CHD2: variants seen among roughly 807,000 people sequenced by gnomAD.
CHD2 encodes the protein ATP-dependent chromatin remodeler CHD2.
A neutral mutation model predicts 243.9 loss-of-function variants in CHD2; 28 were observed. That is an observed-to-expected ratio of 0.11 (90% confidence interval 0.09 to 0.16). The LOEUF (loss-of-function observed/expected upper bound fraction) is 0.16. CHD2 is among the 10% of genes least tolerant of loss of function. The pLI, the probability that CHD2 is intolerant of heterozygous loss-of-function variation, is 1.00. For missense variants in CHD2, 1,386 were observed against 2,209.8 expected, an observed-to-expected ratio of 0.63 and a Z score of 7.47; for synonymous variants, 775 against 779.0, an observed-to-expected ratio of 0.99 and a Z score of 0.09.
chr15:92,927,989 T>G (rs1419300487), intron 4 of CHD2, among the ~76,000 whole-genome samples: 1 of 152,196 alleles, frequency 6.6e-6, no homozygotes, highest in African/African-American at 2.4e-5. Flanking sequence ...TGAATTAGGT[T>G]TATAGACTAG....
intron 5 of CHD2, among the ~76,000 whole-genome samples, chr15:92,933,087 A>G (rs1369219900): frequency 1.5e-5 from 2 of 134,154 alleles, no homozygotes; most frequent in Admixed American, 7.8e-5. Flanking sequence ...GTCTTCCTCT[A>G]TTGGTGCACA....
At chr15:92,931,863 C>CTTT (rs34215273) in intron 5 of CHD2, among the ~76,000 whole-genome samples, 7 of 134,484 alleles carry the variant, frequency 5.2e-5, no homozygotes, top group Non-Finnish European at 4.8e-5. Flanking sequence ...TGCTGACGTA[C>CTTT]TTTTTTTTTT....
chr15:93,023,604 A>T (rs191368730), intron 38 of CHD2, among the ~76,000 whole-genome samples: 1 of 151,710 alleles, frequency 6.6e-6, no homozygotes, highest in Non-Finnish European at 1.5e-5. Flanking sequence ...ACCATTTTAC[A>T]TTCCTACCAG....
intron 4 of CHD2, among the ~76,000 whole-genome samples, chr15:92,927,879 A>T (rs1480764980): frequency 1.3e-5 from 2 of 152,162 alleles, no homozygotes; most frequent in Admixed American, 6.5e-5. Flanking sequence ...TTGATCAGTG[A>T]TTTTTTTAAA....
Position 92,927,325 on chromosome 15 carries a change from G to A in CHD2, c.376G>A (p.Glu126Lys), listed in dbSNP as rs2053081647. ...RQEPSRFNIK[E>K]EASSGSESGS... The stretch of plus-strand genomic sequence containing the variant: ...AGAACCATCGCGATTTAATATTAAG[G>A]AAGAGGTAAGGAAAAAATGTTTTAA... Residue 126 changes from glutamate to lysine, a missense_variant, in exon 4 of 39, where the codon GAA (glutamate) becomes AAA (lysine). Transcript: ENST00000394196. The A allele has an allele frequency of 6.2e-7, 1 of 1,612,490 alleles. No individual in the cohort carries two copies. The highest frequency in any genetic ancestry group is 8.5e-7 in the Non-Finnish European group (1 of 1,178,750).
At chr15:92,971,635 C>T (rs1014370391) in intron 17 of CHD2, 130 bp from the exon 18 acceptor site, 23 of 572,768 alleles carry the variant, frequency 4.0e-5, no homozygotes, top group Non-Finnish European at 2.8e-5. Flanking sequence ...AGAAAATATT[C>T]TTTGCTTCTT....
intron 16 of CHD2, among the ~76,000 whole-genome samples, chr15:92,957,471 A>G (rs1313163242): frequency 6.6e-6 from 1 of 152,192 alleles, no homozygotes; most frequent in Non-Finnish European, 1.5e-5. Flanking sequence ...TTTAGTGTCT[A>G]TATAGCATCT....
At chr15:92,967,280 T>C in intron 16 of CHD2, 45 bp from the exon 17 acceptor site, 1 of 1,380,082 alleles carries the variant, frequency 7.2e-7, no homozygotes. Flanking sequence ...CCTATTCTTC[T>C]TTTCCTCAAT....
chr15:92,901,011 G>GT (rs931398168), intron 1 of CHD2, among the ~76,000 whole-genome samples, 156 bp from the exon 2 acceptor site: 5 of 150,504 alleles, frequency 3.3e-5, no homozygotes, highest in African/African-American at 9.8e-5. Context: ...TTATCCTGTT[G>GT]TTTTTTCTTT....
chr15:92,942,681 A>C (rs2053402387), intron 8 of CHD2, among the ~76,000 whole-genome samples, 162 bp from the exon 9 acceptor site: 1 of 152,122 alleles, frequency 6.6e-6, no homozygotes, highest in Non-Finnish European at 1.5e-5. Flanking sequence ...GAAATTTTTG[A>C]TTGAGTCCGT....
intron 24 of CHD2, among the ~76,000 whole-genome samples, chr15:92,981,676 G>T (rs1187977590): frequency 4.6e-5 from 7 of 152,236 alleles, no homozygotes; most frequent in African/African-American, 1.7e-4. Context: ...TGTAGAGTCA[G>T]TGTGTGGCGG....
intron 37 of CHD2, among the ~76,000 whole-genome samples, chr15:93,015,231 A>G (rs1006461095): frequency 6.6e-6 from 1 of 152,100 alleles, no homozygotes; most frequent in Non-Finnish European, 1.5e-5. Flanking sequence ...GATGTGCACC[A>G]CCACGCTGAG....
chr15:92,927,224 G>A lies in CHD2; in HGVS notation c.295-20G>A, dbSNP rs191859431. 1.6e-4 allele frequency: 251 copies of A among 1,554,514 alleles called. 1 individual carries two copies. The highest frequency in any genetic ancestry group is 1.8e-4 in the Non-Finnish European group (204 of 1,127,836). ...GGGGGTCAAGAAAAAAGATTAATGC[G>A]TGGTCTCTTAATTTTACAGATGTGG... is the stretch of plus-strand genomic sequence containing the variant. On this transcript the variant is annotated intron_variant, in intron 3 of 38. Transcript: ENST00000394196.
intron 35 of CHD2, among the ~76,000 whole-genome samples, chr15:93,011,065 C>T (rs1012706483): frequency 6.6e-5 from 10 of 151,840 alleles, no homozygotes; most frequent in African/African-American, 2.2e-4. Flanking sequence ...TACCTAGCGG[C>T]ATCTGGCCTT....
chr15:92,994,669 G>C (rs948738957), intron 28 of CHD2, among the ~76,000 whole-genome samples: 1 of 152,160 alleles, frequency 6.6e-6, no homozygotes, highest in East Asian at 1.9e-4. Flanking sequence ...ACTGAAAAAC[G>C]TATTCCTGTT....
chr15:93,017,291 A>T (rs1596459665), intron 37 of CHD2, among the ~76,000 whole-genome samples: 2 of 149,286 alleles, frequency 1.3e-5, no homozygotes, highest in Admixed American at 6.7e-5. Context: ...TCTAGTCCTC[A>T]TTGCTTTAGC....
chr15:92,923,440 C>A (rs1420737904), intron 2 of CHD2, among the ~76,000 whole-genome samples: 1 of 151,722 alleles, frequency 6.6e-6, no homozygotes, highest in East Asian at 1.9e-4. Context: ...TAAACATTTT[C>A]TTGAAGAGAT....
chr15:92,968,524 C>T lies in CHD2; in HGVS notation c.2189+1011C>T, dbSNP rs141228680. On this transcript the variant is annotated intron_variant, in intron 17 of 38. Transcript: ENST00000394196. The stretch of plus-strand genomic sequence containing the variant: ...CCTTTTTTGTGATGTTAGTGACTAA[C>T]GATGAGCATTGCCTAGATCTGTTAA... Among the ~76,000 whole-genome samples the T allele has an allele frequency of 1.7e-3, 256 of 152,234 alleles. 2 individuals carry two copies. The highest frequency in any genetic ancestry group is 2.9e-3 in the Admixed American group (44 of 15,306).
chr15:92,932,450 C>A (rs1391249950), intron 5 of CHD2, among the ~76,000 whole-genome samples: 3 of 75,752 alleles, frequency 4.0e-5, no homozygotes, highest in Non-Finnish European at 7.1e-5. Flanking sequence ...CCCTCCCCCC[C>A]ACCCCATGAC....
Sources: gnomAD v4.1 joint callset for allele counts (sites outside exome capture counted in the v4.1 genomes callset) on GRCh38, gnomAD v4.1.1 for gene constraint, MANE v1.5 for transcripts, NCBI Gene and HGNC (gene_info 2026-07-23, HGNC 2026-07-21) for gene names.